The following PARD3 variants were observed in gnomAD, a reference collection of about 807,000 sequenced individuals.
PARD3 encodes par-3 family cell polarity regulator.
In PARD3, 75 loss-of-function variants were observed where a neutral mutation model predicts 155.4. The ratio of observed to expected loss-of-function variants is 0.48; its 90% CI spans 0.40 to 0.58. The LOEUF (loss-of-function observed/expected upper bound fraction) is 0.58. Among genes scored for constraint, PARD3 ranks in the 20% least tolerant of loss-of-function variants. The pLI is 0.00. For missense variants in PARD3, 1,642 were observed against 1,721.7 expected, an observed-to-expected ratio of 0.95 and a Z score of 0.82; for synonymous variants, 576 against 610.5, an observed-to-expected ratio of 0.94 and a Z score of 0.83.
At chr10:34,654,761 G>A (rs545887832) in intron 2 of PARD3, among the ~76,000 whole-genome samples, 2 of 152,206 alleles carry the variant, frequency 1.3e-5, no homozygotes, top group Admixed American at 6.5e-5. Context: ...ACACTCTGCC[G>A]TGATATGGAC....
chr10:34,534,171 C>A (rs938957321), intron 2 of PARD3, among the ~76,000 whole-genome samples: 1 of 150,136 alleles, frequency 6.7e-6, no homozygotes, highest in Non-Finnish European at 1.5e-5. Context: ...GAGGCTGAGG[C>A]AGGAGAATGG....
chr10:34,543,855 CAATT>C (rs2083834704), intron 2 of PARD3, among the ~76,000 whole-genome samples: 1 of 151,990 alleles, frequency 6.6e-6, no homozygotes, highest in Admixed American at 6.6e-5. Context: ...ATCAGAAGGC[CAATT>C]AATAGTCAAT....
At chr10:34,636,652 A>G (rs1168351469) in intron 2 of PARD3, among the ~76,000 whole-genome samples, 3 of 152,182 alleles carry the variant, frequency 2.0e-5, no homozygotes, top group Non-Finnish European at 4.4e-5. Flanking sequence ...TTGTCACCCA[A>G]TTAGAATAAA....
intron 15 of PARD3, among the ~76,000 whole-genome samples, chr10:34,346,959 C>T (rs1837495465): frequency 6.6e-6 from 1 of 152,208 alleles, no homozygotes; most frequent in African/African-American, 2.4e-5. Flanking sequence ...TTGCTTCTTA[C>T]TCATCTTTGT....
intron 7 of PARD3, among the ~76,000 whole-genome samples, chr10:34,385,283 G>A (rs545897691): frequency 1.2e-3 from 186 of 152,090 alleles, no homozygotes; most frequent in Non-Finnish European, 1.8e-3. Flanking sequence ...ACAGGCATGC[G>A]CCACCATGCC....
intron 17 of PARD3, 113 bp from the exon 18 acceptor site, chr10:34,336,356 G>T: frequency 1.4e-6 from 1 of 721,642 alleles, no homozygotes; most frequent in Non-Finnish European, 2.4e-6. Context: ...AATATTTCAT[G>T]CAAATACTAT....
At chr10:34,424,191 C>A (rs907605559) in intron 5 of PARD3, among the ~76,000 whole-genome samples, 9 of 152,122 alleles carry the variant, frequency 5.9e-5, no homozygotes, top group African/African-American at 2.2e-4. Flanking sequence ...TTACATACAG[C>A]AATGCATGCA....
intron 19 of PARD3, among the ~76,000 whole-genome samples, chr10:34,319,026 G>A (rs7897932): frequency 6.7e-6 from 1 of 149,556 alleles, no homozygotes; most frequent in African/African-American, 2.5e-5. Context: ...TGATCTCCCC[G>A]CCTCGGCCTC....
intron 5 of PARD3, among the ~76,000 whole-genome samples, chr10:34,405,026 C>T (rs1844289353): frequency 6.6e-6 from 1 of 151,602 alleles, no homozygotes; most frequent in African/African-American, 2.4e-5. Context: ...TATGACCATG[C>T]ATGCCACTGC....
intron 2 of PARD3, among the ~76,000 whole-genome samples, chr10:34,576,967 T>C (rs571572812): frequency 4.9e-4 from 74 of 152,286 alleles, no homozygotes; most frequent in Non-Finnish European, 9.6e-4. Context: ...GGGGTGAACA[T>C]ACAGCACAGA....
chr10:34,652,898 C>T (rs1471657425), intron 2 of PARD3, among the ~76,000 whole-genome samples: 1 of 152,116 alleles, frequency 6.6e-6, no homozygotes, highest in African/African-American at 2.4e-5. Context: ...TAAAAATTTG[C>T]ATTTCAAATA....
intron 19 of PARD3, 139 bp downstream of exon 19, chr10:34,330,978 T>C (rs976136545): frequency 7.6e-6 from 5 of 654,888 alleles, no homozygotes; most frequent in African/African-American, 3.7e-5. Context: ...CGTCTTATTA[T>C]GAAATAAGAG....
chr10:34,682,184 G>A (rs182825537), intron 2 of PARD3, among the ~76,000 whole-genome samples: 7 of 152,192 alleles, frequency 4.6e-5, no homozygotes, highest in South Asian at 4.1e-4. Context: ...ATTCGACTGT[G>A]CCCTTGAAAA....
chr10:34,619,601 G>A (rs1317063841), intron 2 of PARD3, among the ~76,000 whole-genome samples: 1 of 151,966 alleles, frequency 6.6e-6, no homozygotes, highest in Admixed American at 6.6e-5. Context: ...ACTCCAGCAT[G>A]GGTAGTCATC....
At chr10:34,648,617 G>A (rs778376631) in intron 2 of PARD3, among the ~76,000 whole-genome samples, 9 of 152,076 alleles carry the variant, frequency 5.9e-5, no homozygotes, top group Non-Finnish European at 1.2e-4. Context: ...ACACAGTTCC[G>A]CTAACACCGA....
rs71486002 is a variant in PARD3, at chr10:34,736,641, T to TATTAATTA, written c.121-40230_121-40223dup. 3.7e-3 allele frequency among the ~76,000 whole-genome samples: 470 copies of TATTAATTA among 126,954 alleles called. 7 individuals carry two copies. The highest frequency in any genetic ancestry group is 0.015 in the East Asian group (69 of 4,726). The allele number at this position is 126,954 out of a possible 152,430, so 83.3% of individuals were successfully genotyped here. On this transcript the variant is annotated intron_variant, in intron 1 of 24. Coordinates refer to ENST00000374788, the MANE Select transcript of PARD3 (RefSeq NM_001184785.2). ...TCAAAATGTTGGAAATAGGTTACTT[T>TATTAATTA]ATTAATTAATTAATTTATTTATTTA...
At chr10:34,121,721 G>T (rs188962595) in intron 23 of PARD3, among the ~76,000 whole-genome samples, 1 of 152,280 alleles carries the variant, frequency 6.6e-6, no homozygotes, top group East Asian at 1.9e-4. Flanking sequence ...AAGCATATGG[G>T]CTTAGTTAGT....
chr10:34,564,511 G>C (rs956791522), intron 2 of PARD3, among the ~76,000 whole-genome samples: 1 of 152,192 alleles, frequency 6.6e-6, no homozygotes, highest in Non-Finnish European at 1.5e-5. Context: ...GGAGGGTTTT[G>C]AGGGTAGGTT....
chr10:34,194,667 A>C (rs1043631417), intron 22 of PARD3, among the ~76,000 whole-genome samples: 4 of 145,340 alleles, frequency 2.8e-5, no homozygotes, highest in African/African-American at 1.0e-4. Context: ...CTCCATGTTC[A>C]AGGCAGTGTT....
Sources: gnomAD v4.1 joint callset for allele counts (sites outside exome capture counted in the v4.1 genomes callset) on GRCh38, gnomAD v4.1.1 for gene constraint, MANE v1.5 for transcripts, NCBI Gene and HGNC (gene_info 2026-07-23, HGNC 2026-07-21) for gene names.